The following TTLL1 variants were observed in gnomAD, a reference collection of about 807,000 sequenced individuals.
TTLL1 encodes polyglutamylase complex subunit TTLL1.
Under a neutral mutation model 47.8 loss-of-function variants are expected in TTLL1, and 33 were observed. The observed-to-expected ratio is 0.69, with a 90% CI of 0.52 to 0.92. The LOEUF (loss-of-function observed/expected upper bound fraction) is 0.92, where lower values mean the gene tolerates loss of function less well. TTLL1 is among the 40% of genes least tolerant of loss of function. The pLI, the probability that TTLL1 is intolerant of heterozygous loss-of-function variation, is 0.00. For synonymous variants in TTLL1, 225 were observed against 214.1 expected (o/e 1.05, Z -0.45); for missense variants, 488 against 547.5 (o/e 0.89, Z 1.08).
chr22:43,046,701 C>G, intron 9 of TTLL1, 128 bp from the exon 10 acceptor site: 1 of 1,105,506 alleles, frequency 9.0e-7, no homozygotes. Context: ...CAGAGTTTCG[C>G]TCTTGTTGCC....
chr22:43,052,874 C>G (rs989992764), intron 8 of TTLL1, among the ~76,000 whole-genome samples: 3 of 152,012 alleles, frequency 2.0e-5, no homozygotes, highest in African/African-American at 7.3e-5. Flanking sequence ...GCCTGGCCAA[C>G]ATGGTGAAAC....
Position 43,046,515 on chromosome 22 carries a change from T to C in TTLL1, c.1037A>G (p.Asn346Ser), listed in dbSNP as rs1601654468. The change falls in exon 10 of 11, where the codon AAC (asparagine) becomes AGC (serine). Residue 346 changes from asparagine to serine, a missense_variant. By Grantham distance (46) the Asn-to-Ser change is conservative. Coordinates refer to ENST00000266254, the MANE Select transcript of TTLL1 (RefSeq NM_012263.5). ...STANDRILKY[N>S]LINDTLNIAV... ...GATGTTGAGGGTGTCATTAATCAGGTTGTACTTGAGGATTCGGTCATTGGC... is the reference window on the plus strand; with the variant it reads ...GATGTTGAGGGTGTCATTAATCAGGCTGTACTTGAGGATTCGGTCATTGGC... 3 of 1,614,034 alleles carry C rather than the reference T, an allele frequency of 1.9e-6. No individual in the cohort carries two copies. The highest frequency in any genetic ancestry group is 2.5e-6 in the Non-Finnish European group (3 of 1,180,004).
At chr22:43,056,655 C>T (rs550861149) in intron 8 of TTLL1, among the ~76,000 whole-genome samples, 24 of 151,594 alleles carry the variant, frequency 1.6e-4, no homozygotes, top group African/African-American at 3.6e-4. Context: ...TATGGTGACG[C>T]GCACCTGTAG....
At chr22:43,051,993 G>C in intron 8 of TTLL1, 106 bp from the exon 9 acceptor site, 1 of 1,010,824 alleles carries the variant, frequency 9.9e-7, no homozygotes, top group Non-Finnish European at 1.5e-6. Context: ...ACCTCCCACA[G>C]CACAGGTTCC....
chr22:43,069,311 G>C, intron 4 of TTLL1, among the ~76,000 whole-genome samples: 1 of 147,792 alleles, frequency 6.8e-6, no homozygotes, highest in Non-Finnish European at 1.5e-5. Flanking sequence ...AGAATTGCTT[G>C]AACTCAGGAG....
intron 2 of TTLL1, among the ~76,000 whole-genome samples, chr22:43,078,143 A>G (rs935225413): frequency 2.0e-5 from 3 of 151,928 alleles, no homozygotes; most frequent in Non-Finnish European, 4.4e-5. Context: ...CACTATTATC[A>G]TCATCATCCC....
chr22:43,074,957 C>T (rs1246105045), intron 3 of TTLL1, among the ~76,000 whole-genome samples: 2 of 151,956 alleles, frequency 1.3e-5, no homozygotes, highest in Non-Finnish European at 2.9e-5. Context: ...GGGTGGATCA[C>T]AAAGTTCAAG....
chr22:43,086,743 C>T (rs1171294083), intron 1 of TTLL1, among the ~76,000 whole-genome samples: 1 of 152,138 alleles, frequency 6.6e-6, no homozygotes, highest in Non-Finnish European at 1.5e-5. Context: ...ATCCATCCTC[C>T]ACTCCCATAA....
chr22:43,070,767 A>G (rs901798067), intron 3 of TTLL1, among the ~76,000 whole-genome samples: 5 of 152,144 alleles, frequency 3.3e-5, no homozygotes, highest in African/African-American at 1.2e-4. Context: ...CAGCACTGGC[A>G]TGTTCTGAAC....
chr22:43,069,748 T>C lies in TTLL1; in HGVS notation c.210A>G (p.Glu70=). The change falls in exon 4 of 11, where the codon GAA becomes GAG. Residue 70 remains glutamate, a synonymous_variant. Transcript: ENST00000266254. ...TCACCATCAGGTCCTTCCGGGTCAG[T>C]TCATAGTGGTTTGGAAAATGGTTGA... ...QIVNHFPNHY[E]LTRKDLMVKN... 6.2e-7 allele frequency: 1 copy of C among 1,614,226 alleles called. No homozygotes were observed. The highest frequency in any genetic ancestry group is 8.5e-7 in the Non-Finnish European group (1 of 1,180,048).
intron 8 of TTLL1, among the ~76,000 whole-genome samples, chr22:43,054,853 G>A (rs1203827303): frequency 1.3e-5 from 2 of 150,928 alleles, no homozygotes; most frequent in Non-Finnish European, 2.9e-5. Context: ...AGCCTCCCGA[G>A]TAGCTGGGAC....
At position 43,059,482 on chromosome 22, in the gene TTLL1, G is replaced by A. The variant is rs778528174; in HGVS notation, c.793C>T (p.Leu265=). The change falls in exon 8 of 11, where the codon CTG becomes TTG. Residue 265 remains leucine (L), a synonymous_variant. Transcript: ENST00000266254. ...IHGGKWTVSN[L]RLYLESTRGK... is the part of the protein sequence containing the mutation. ...CGGGTGCTCTCCAGGTAGAGCCGCA[G>A]GTTACTCACTGTCCACTTGCCCCCA... 1 of 1,613,924 alleles carries A rather than the reference G, an allele frequency of 6.2e-7. No individual in the cohort carries two copies. Among genetic ancestry groups the A allele is most frequent in the Non-Finnish European group, 8.5e-7 (1 of 1,179,932 alleles).
intron 2 of TTLL1, among the ~76,000 whole-genome samples, chr22:43,079,028 T>C (rs6003039): frequency 0.55 from 4,777 of 8,620 alleles, 1,542 homozygotes; most frequent in Middle Eastern, 0.83. Context: ...AGAGCGTGAG[T>C]CCATCCCACA....
intron 5 of TTLL1, among the ~76,000 whole-genome samples, chr22:43,067,737 G>A (rs5759130): frequency 2.0e-5 from 3 of 152,044 alleles, no homozygotes; most frequent in African/African-American, 7.2e-5. Flanking sequence ...TTGGGAGGCC[G>A]AGGTGGGTGG....
chr22:43,076,198 G>A (rs1928472566), intron 2 of TTLL1, among the ~76,000 whole-genome samples: 1 of 152,242 alleles, frequency 6.6e-6, no homozygotes, highest in Admixed American at 6.5e-5. Context: ...GCTCATGCCT[G>A]TAATCCCAGC....
At chr22:43,063,759 C>A in intron 7 of TTLL1, 54 bp downstream of exon 7, 1 of 1,566,406 alleles carries the variant, frequency 6.4e-7, no homozygotes, top group Middle Eastern at 1.7e-4. Context: ...AGCCACCACA[C>A]CCGGCCTGAA....
At chr22:43,053,649 T>C (rs1442085724) in intron 8 of TTLL1, among the ~76,000 whole-genome samples, 2 of 152,192 alleles carry the variant, frequency 1.3e-5, no homozygotes, top group Non-Finnish European at 2.9e-5. Flanking sequence ...CCTGTTTCCT[T>C]GTCTGCCTCA....
In TTLL1 at chr22:43,046,469, G is replaced by T. The variant is rs1926136464; in HGVS notation, c.1083C>A (p.Ile361=). The change falls in exon 10 of 11, where the codon ATC becomes ATA. Residue 361 remains isoleucine, a synonymous_variant. Transcript: ENST00000266254. The stretch of plus-strand genomic sequence containing the variant: ...GCGACTTGTTCCATTTGCAGTCTGG[G>T]ATTTCACCATTCGGGACGGCGATGT... ...TLNIAVPNGE[I]PDCKWNKSPP... The T allele has an allele frequency of 6.2e-7, 1 of 1,614,076 alleles. No individual in the cohort carries two copies. The highest frequency in any genetic ancestry group is 8.5e-7 in the Non-Finnish European group (1 of 1,180,016).
intron 7 of TTLL1, among the ~76,000 whole-genome samples, chr22:43,063,306 G>A (rs1002150928): frequency 1.3e-5 from 2 of 152,100 alleles, no homozygotes; most frequent in African/African-American, 2.4e-5. Context: ...ACCCAGCCAC[G>A]GCATTCAGCT....
Sources: gnomAD v4.1 joint callset for allele counts (sites outside exome capture counted in the v4.1 genomes callset) on GRCh38, gnomAD v4.1.1 for gene constraint, MANE v1.5 for transcripts, NCBI Gene and HGNC (gene_info 2026-07-23, HGNC 2026-07-21) for gene names.